Variants in CNTRL observed in about 807,000 individuals in gnomAD.
The protein encoded by CNTRL is 110 kDa centrosomal protein.
CNTRL carries 233 observed loss-of-function variants against 303.7 expected under a neutral mutation model. The observed-to-expected ratio is 0.77, with a 90% CI of 0.69 to 0.86. The LOEUF (loss-of-function observed/expected upper bound fraction) is 0.86, where lower values mean the gene tolerates loss of function less well. Among genes scored for constraint, CNTRL ranks in the 40% least tolerant of loss-of-function variants. The pLI is 0.00. For missense variants in CNTRL, 2,524 were observed against 2,650.6 expected, an observed-to-expected ratio of 0.95 and a Z score of 1.05; for synonymous variants, 900 against 922.2, an observed-to-expected ratio of 0.98 and a Z score of 0.44.
At chr9:121,119,615 C>T (rs2050141502) in intron 12 of CNTRL, among the ~76,000 whole-genome samples, 1 of 150,638 alleles carries the variant, frequency 6.6e-6, no homozygotes, top group Non-Finnish European at 1.5e-5. Context: ...CCTGCCTCAG[C>T]CTCCTGAGTA....
At chr9:121,138,446 A>G (rs1290715518) in intron 15 of CNTRL, 99 bp from the exon 16 acceptor site, 14 of 1,211,528 alleles carry the variant, frequency 1.2e-5, no homozygotes, top group Non-Finnish European at 1.5e-5. Context: ...AACTATAGCT[A>G]GCAAGGGATT....
At position 121,168,090 on chromosome 9, in the gene CNTRL, A is replaced by G. The variant is rs367603207; in HGVS notation, c.5845-6A>G. On this transcript the variant is annotated splice_region_variant and splice_polypyrimidine_tract_variant and intron_variant, in intron 37 of 43. Transcript: ENST00000373855. ...TAATGACTAATCAAGATTATTCTTT[A>G]TTAAGATGTTTCAGAGACTCCAGAA... 2 of 1,606,334 alleles carry G rather than the reference A, an allele frequency of 1.2e-6. No homozygotes were observed. The highest frequency in any genetic ancestry group is 2.7e-5 in the African/African-American group (2 of 74,650).
intron 12 of CNTRL, 43 bp downstream of exon 12, chr9:121,118,583 A>C (rs772684928): frequency 7.0e-7 from 1 of 1,432,758 alleles, no homozygotes. Flanking sequence ...TCTACATATT[A>C]CATGTCTCAT....
chr9:121,082,948 C>T (rs1255305954), intron 2 of CNTRL, among the ~76,000 whole-genome samples: 3 of 130,848 alleles, frequency 2.3e-5, no homozygotes, highest in Admixed American at 9.6e-5. Context: ...CCAGCCTGGG[C>T]GACAGAGGGA....
chr9:121,159,502 T>C (rs539633973), intron 31 of CNTRL, among the ~76,000 whole-genome samples: 4 of 152,108 alleles, frequency 2.6e-5, no homozygotes, highest in Admixed American at 6.5e-5. Flanking sequence ...CATGGTGGCA[T>C]GCGCCTGTAA....
chr9:121,136,846 A>G lies in CNTRL; in HGVS notation c.2202+864A>G, dbSNP rs1786533032. 3.3e-5 allele frequency among the ~76,000 whole-genome samples: 5 copies of G among 152,350 alleles called. No individual in the cohort carries two copies. The South Asian group carries it at 1.0e-3, about 32-fold the overall frequency. On this transcript the variant is annotated intron_variant, in intron 15 of 43. Coordinates refer to ENST00000373855, the MANE Select transcript of CNTRL (RefSeq NM_007018.6). ...GGTAAACTTTAGTCCAGCAAGTGAA[A>G]CAGGTATGGAAGAAAGAAAGGGACA...
rs752741894 is a variant in CNTRL, at chr9:121,166,096, C to A, written c.5582-11C>A. The A allele has an allele frequency of 1.3e-6, 2 of 1,599,616 alleles. No individual in the cohort carries two copies. Among genetic ancestry groups the A allele is most frequent in the East Asian group, 2.2e-5 (1 of 44,728 alleles). ...TGTATTTCTTATTTCATGAGAATGT[C>A]ATTTCTTTAGAAAAACGAGAAGCAG... On this transcript the variant is annotated splice_polypyrimidine_tract_variant and intron_variant, in intron 35 of 43. Transcript: ENST00000373855.
intron 1 of CNTRL, among the ~76,000 whole-genome samples, chr9:121,076,610 G>T (rs1263306889): frequency 6.6e-6 from 1 of 152,102 alleles, no homozygotes; most frequent in East Asian, 1.9e-4. Flanking sequence ...GCACAGGAAA[G>T]AACCATAGAG....
chr9:121,171,703 AT>A, intron 40 of CNTRL, 155 bp downstream of exon 40: 3 of 586,508 alleles, frequency 5.1e-6, no homozygotes, highest in South Asian at 4.7e-5. Flanking sequence ...TAGCCTTAAA[AT>A]TTAGAAACAC....
chr9:121,121,735 G>A (rs904655795), intron 12 of CNTRL: 1 of 977,994 alleles, frequency 1.0e-6, no homozygotes, highest in Non-Finnish European at 1.2e-6. Flanking sequence ...TGCCCGCAGA[G>A]GCTGCTGGTG....
rs761597564 is a variant in CNTRL, at chr9:121,154,769, A to G, written c.4221A>G (p.Ile1407Met). The G allele has an allele frequency of 1.2e-6, 2 of 1,611,562 alleles. No homozygotes were observed. The highest frequency in any genetic ancestry group is 1.7e-5 in the Admixed American group (1 of 60,020). The stretch of plus-strand genomic sequence containing the variant: ...AGAGTCTTATGACTGAACTAGAAAT[A>G]GAAAAATCACTCAAACATCATGAAG... ...NVESLMTELEIEKSLKHHEDI... is the reference protein window; with the variant it reads ...NVESLMTELEMEKSLKHHEDI... Residue 1407 changes from isoleucine to methionine, a missense_variant, in exon 27 of 44, where the codon ATA (isoleucine) becomes ATG (methionine). Coordinates refer to ENST00000373855, the MANE Select transcript of CNTRL (RefSeq NM_007018.6).
At chr9:121,137,455 G>T (rs1035698351) in intron 15 of CNTRL, among the ~76,000 whole-genome samples, 1 of 152,120 alleles carries the variant, frequency 6.6e-6, no homozygotes, top group African/African-American at 2.4e-5. Flanking sequence ...GTCAATATGT[G>T]CCTATTTGAT....
chr9:121,136,280 T>A (rs755340217), intron 15 of CNTRL, among the ~76,000 whole-genome samples: 45 of 152,138 alleles, frequency 3.0e-4, no homozygotes, highest in Admixed American at 5.2e-4. Context: ...TGATACTCAA[T>A]AAATGCTAGT....
In CNTRL at chr9:121,173,745, TTTAAAAC is replaced by T; in HGVS notation, c.6747+9_6747+15del. On this transcript the variant is annotated intron_variant, in intron 42 of 43. Transcript: ENST00000373855. ...CGGGAAGACCGACTCAAGGTTGCCC[TTTAAAAC>T]AAACAAAAAATCAGTATGAGATACT... is the stretch of plus-strand genomic sequence containing the variant. The T allele has an allele frequency of 6.2e-7, 1 of 1,613,856 alleles. No individual in the cohort carries two copies. Among genetic ancestry groups the T allele is most frequent in the Non-Finnish European group, 8.5e-7 (1 of 1,179,792 alleles).
At chr9:121,099,241 G>A (rs1354668326) in intron 7 of CNTRL, among the ~76,000 whole-genome samples, 1 of 152,160 alleles carries the variant, frequency 6.6e-6, no homozygotes, top group African/African-American at 2.4e-5. Context: ...TTGCCGTTCT[G>A]CAATATATGC....
Position 121,118,416 on chromosome 9 carries a change from G to T in CNTRL, c.1526G>T (p.Arg509Leu), listed in dbSNP as rs75531179. The T allele has an allele frequency of 2.2e-5, 36 of 1,611,792 alleles. No individual in the cohort carries two copies. In the East Asian group the frequency reaches 3.1e-4, roughly 14 times the overall value. ...SGRLQLVNKL[R>L]QEALDLELQM... ...AGACTACAACTTGTAAATAAATTACGCCAGGAAGCTCTGGATCTAGAACTG... is the reference window on the plus strand; with the variant it reads ...AGACTACAACTTGTAAATAAATTACTCCAGGAAGCTCTGGATCTAGAACTG... Residue 509 changes from arginine (R) to leucine (L), a missense_variant, in exon 12 of 44, where the codon CGC becomes CTC. Arg to Leu is a moderately radical substitution (Grantham distance 102). Transcript: ENST00000373855.
In CNTRL at chr9:121,120,409, G is replaced by C. The variant is rs150151398; in HGVS notation, c.1650+1869G>C. ...TTTTAAATAATTTTGAGGAAAAATG[G>C]GGTATTTTAAGTAATGTATAATGTG... On this transcript the variant is annotated intron_variant, in intron 12 of 43. Transcript: ENST00000373855. Among the ~76,000 whole-genome samples the C allele has an allele frequency of 7.3e-3, 1,107 of 152,220 alleles. 12 individuals carry two copies. The highest frequency in any genetic ancestry group is 0.025 in the African/African-American group (1,046 of 41,526).
chr9:121,095,010 C>A lies in CNTRL; in HGVS notation c.471C>A (p.Asn157Lys). The A allele has an allele frequency of 6.3e-7, 1 of 1,598,302 alleles. No individual in the cohort carries two copies. The highest frequency in any genetic ancestry group is 8.5e-7 in the Non-Finnish European group (1 of 1,173,916). ...TACGTGAACTCAACTTATCATATAA[C>A]AAAATCAGGTGAGTTATATAACAAA... ...LKLRELNLSY[N>K]KISKIEGIEN... Residue 157 changes from asparagine to lysine, a missense_variant, in exon 5 of 44, where the codon AAC becomes AAA. Asn to Lys is a moderately conservative substitution (Grantham distance 94, BLOSUM62 0). Coordinates refer to ENST00000373855, the MANE Select transcript of CNTRL (RefSeq NM_007018.6).
chr9:121,175,732 G>A (rs1006751512), intron 43 of CNTRL, among the ~76,000 whole-genome samples: 3 of 152,210 alleles, frequency 2.0e-5, no homozygotes, highest in African/African-American at 7.2e-5. Context: ...ATAAGCTGAT[G>A]GCTTAGGAAA....
Sources: gnomAD v4.1 joint callset for allele counts (sites outside exome capture counted in the v4.1 genomes callset) on GRCh38, gnomAD v4.1.1 for gene constraint, MANE v1.5 for transcripts, NCBI Gene and HGNC (gene_info 2026-07-23, HGNC 2026-07-21) for gene names.